CCDC62: variants seen among roughly 807,000 people sequenced by gnomAD.
CCDC62 encodes the protein coiled-coil domain containing 62.
Under a neutral mutation model 80.8 loss-of-function variants are expected in CCDC62, and 72 were observed. That is an observed-to-expected ratio of 0.89 (90% CI 0.74 to 1.08). The LOEUF is 1.08. CCDC62 is among the 50% of genes least tolerant of loss of function. The pLI is 0.00. For synonymous variants in CCDC62, 286 were observed against 296.5 expected (o/e 0.96, Z 0.36); for missense variants, 704 against 809.4 (o/e 0.87, Z 1.58).
At chr12:122,778,371 A>T (rs1879614901) in intron 2 of CCDC62, among the ~76,000 whole-genome samples, 1 of 143,568 alleles carries the variant, frequency 7.0e-6, no homozygotes, top group East Asian at 2.1e-4. Context: ...AAAAAAAAAA[A>T]TTATAGCTGT....
intron 4 of CCDC62, among the ~76,000 whole-genome samples, chr12:122,786,593 A>G (rs2030249069): frequency 6.6e-6 from 1 of 152,230 alleles, no homozygotes; most frequent in South Asian, 2.1e-4. Context: ...TGGTATAATG[A>G]AATGCTCACG....
At chr12:122,817,374 T>C (rs1207764355) in intron 11 of CCDC62, among the ~76,000 whole-genome samples, 1 of 150,066 alleles carries the variant, frequency 6.7e-6, no homozygotes, top group African/African-American at 2.5e-5. Context: ...TTTTTATTTT[T>C]ATTTTATTTT....
chr12:122,796,640 A>G (rs1052119091), intron 6 of CCDC62, among the ~76,000 whole-genome samples: 2 of 152,014 alleles, frequency 1.3e-5, no homozygotes, highest in African/African-American at 4.8e-5. Context: ...GGTAGATCAC[A>G]TGAGGCCAGG....
chr12:122,792,152 C>T (rs1396809213), intron 6 of CCDC62, 31 bp downstream of exon 6: 8 of 1,334,142 alleles, frequency 6.0e-6, no homozygotes, highest in African/African-American at 1.4e-5. Context: ...TATTTGTAAC[C>T]TAGACTTGCA....
chr12:122,800,992 G>A, intron 8 of CCDC62, 132 bp from the exon 9 acceptor site: 2 of 901,574 alleles, frequency 2.2e-6, no homozygotes, highest in Non-Finnish European at 3.4e-6. Context: ...AGGTCGGGCT[G>A]GAATTGGGCT....
chr12:122,822,211 C>T (rs552914835), intron 11 of CCDC62, among the ~76,000 whole-genome samples: 4 of 150,702 alleles, frequency 2.7e-5, no homozygotes, highest in African/African-American at 4.9e-5. Flanking sequence ...TCAAGCGATT[C>T]TCCTGCCTTT....
chr12:122,798,770 A>G (rs1272579020), intron 8 of CCDC62, among the ~76,000 whole-genome samples: 1 of 151,020 alleles, frequency 6.6e-6, no homozygotes, highest in East Asian at 2.0e-4. Flanking sequence ...GACAAGAGCC[A>G]AACTCCGTCT....
intron 8 of CCDC62, 119 bp downstream of exon 8, chr12:122,798,319 G>A: frequency 1.6e-6 from 1 of 644,924 alleles, no homozygotes. Context: ...GGAAATAAAT[G>A]TGGCCGGGCA....
chr12:122,786,757 G>C (rs1319998822), intron 4 of CCDC62, among the ~76,000 whole-genome samples: 2 of 151,028 alleles, frequency 1.3e-5, no homozygotes, highest in Non-Finnish European at 3.0e-5. Context: ...TCAGGAGATC[G>C]AGACCATCCT....
intron 10 of CCDC62, among the ~76,000 whole-genome samples, chr12:122,808,405 G>C (rs2031716218): frequency 6.6e-6 from 1 of 152,166 alleles, no homozygotes; most frequent in South Asian, 2.1e-4. Flanking sequence ...TGGTGTGCTA[G>C]ATAATACAAA....
Position 122,788,914 on chromosome 12 carries a change from G to A in CCDC62, c.655G>A (p.Val219Ile). ...GAAATTGAAGGCACTTAAGATTGAA[G>A]TCAACAAACTAAAAGGTAAGGAAGA... ...KQKLKALKIE[V>I]NKLKEDLNEK... Residue 219 changes from valine (V) to isoleucine (I), a missense_variant, in exon 5 of 13, where the codon GTC becomes ATC. Val to Ile is a conservative substitution (Grantham distance 29). Coordinates refer to ENST00000253079, the MANE Select transcript of CCDC62 (RefSeq NM_201435.5). 2 of 1,595,606 alleles carry A rather than the reference G, an allele frequency of 1.3e-6. No individual in the cohort carries two copies. Among genetic ancestry groups the A allele is most frequent in the Non-Finnish European group, 1.7e-6 (2 of 1,175,166 alleles).
intron 5 of CCDC62, among the ~76,000 whole-genome samples, chr12:122,791,024 A>G (rs2030567656): frequency 6.6e-6 from 1 of 152,190 alleles, no homozygotes; most frequent in African/African-American, 2.4e-5. Flanking sequence ...GGAGATGGGC[A>G]GGTCAGGTCA....
At position 122,801,494 on chromosome 12, in the gene CCDC62, T is replaced by C. The variant is rs1461037280; in HGVS notation, c.1348T>C (p.Ser450Pro). The change falls in exon 9 of 13, where the codon TCA becomes CCA. Residue 450 changes from serine (S) to proline (P), a missense_variant. By Grantham distance (74) the Ser-to-Pro change is moderately conservative. Transcript: ENST00000253079. ...GGTTCAGAACGAAGGAAAACAACCC[T>C]CAGAAACACCCACTTTATCTGATGA... ...TGVQNEGKQP[S>P]ETPTLSDEKQ... The C allele has an allele frequency of 6.2e-7, 1 of 1,614,042 alleles. No individual in the cohort carries two copies.
chr12:122,797,167 T>G (rs946589249), intron 6 of CCDC62, 140 bp from the exon 7 acceptor site: 9 of 519,626 alleles, frequency 1.7e-5, no homozygotes, highest in Non-Finnish European at 2.5e-5. Flanking sequence ...TGTGAGCCAC[T>G]TCGTTCAGCC....
At chr12:122,806,019 T>G in intron 9 of CCDC62, 132 bp from the exon 10 acceptor site, 2 of 692,822 alleles carry the variant, frequency 2.9e-6, no homozygotes, top group Non-Finnish European at 4.6e-6. Flanking sequence ...TCTATAATGT[T>G]CTACTCAAAC....
At chr12:122,782,923 A>G (rs1343544332) in intron 3 of CCDC62, among the ~76,000 whole-genome samples, 1 of 151,516 alleles carries the variant, frequency 6.6e-6, no homozygotes, top group Non-Finnish European at 1.5e-5. Context: ...CCTGGCCAAC[A>G]TGGTGAAACC....
intron 10 of CCDC62, among the ~76,000 whole-genome samples, chr12:122,809,168 C>T (rs2031755269): frequency 6.6e-6 from 1 of 152,220 alleles, no homozygotes; most frequent in African/African-American, 2.4e-5. Context: ...GATTTACCTC[C>T]TCTCTGCACT....
At chr12:122,817,472 G>T (rs914608312) in intron 11 of CCDC62, among the ~76,000 whole-genome samples, 4 of 151,978 alleles carry the variant, frequency 2.6e-5, no homozygotes, top group African/African-American at 4.8e-5. Context: ...TTACAGGTGT[G>T]AGCCACCATG....
intron 11 of CCDC62, among the ~76,000 whole-genome samples, chr12:122,816,027 G>A (rs573738660): frequency 2.6e-5 from 4 of 152,210 alleles, no homozygotes; most frequent in East Asian, 3.9e-4. Context: ...TATGTGCCGC[G>A]AATAGATCCA....
Sources: gnomAD v4.1 joint callset for allele counts (sites outside exome capture counted in the v4.1 genomes callset) on GRCh38, gnomAD v4.1.1 for gene constraint, MANE v1.5 for transcripts, NCBI Gene and HGNC (gene_info 2026-07-23, HGNC 2026-07-21) for gene names.